The following KCNC2 variants were observed in gnomAD, a reference collection of about 807,000 sequenced individuals.
KCNC2 encodes the protein voltage-gated potassium channel KCNC2.
KCNC2 carries 21 observed loss-of-function variants against 44.5 expected under a neutral mutation model. The ratio of observed to expected loss-of-function variants is 0.47; its 90% CI spans 0.33 to 0.68. KCNC2 has a LOEUF of 0.68. Ranked by LOEUF, KCNC2 falls within the 30% of genes least tolerant of loss-of-function variation. The pLI is 0.01. For synonymous variants in KCNC2, 391 were observed against 339.1 expected (o/e 1.15, Z -1.68); for missense variants, 589 against 826.2 (o/e 0.71, Z 3.52).
At chr12:75,176,134 T>C (rs1446620820) in intron 2 of KCNC2, among the ~76,000 whole-genome samples, 1 of 152,038 alleles carries the variant, frequency 6.6e-6, no homozygotes, top group Non-Finnish European at 1.5e-5. Context: ...TCAGGAAGTG[T>C]AACTTAACTG....
At chr12:75,133,554 C>G (rs764450544) in intron 2 of KCNC2, among the ~76,000 whole-genome samples, 2 of 151,726 alleles carry the variant, frequency 1.3e-5, no homozygotes, top group Non-Finnish European at 2.9e-5. Context: ...CCAATTAAGT[C>G]AAATATCTTA....
chr12:75,161,381 A>C (rs1891116402), intron 2 of KCNC2, among the ~76,000 whole-genome samples: 1 of 151,766 alleles, frequency 6.6e-6, no homozygotes, highest in Non-Finnish European at 1.5e-5. Flanking sequence ...TTCAAGTTGC[A>C]GTCCAAAAGC....
chr12:75,050,900 T>G lies in KCNC2; in HGVS notation c.1105A>C (p.Arg369=), dbSNP rs1458955892. ...FKLTRHFVGL[R]VLGHTLRAST... ...GCTCGAAGAGTATGTCCAAGCACCC[T>G]CAGACCTACAAAATGGCGGGTGAGC... is the stretch of plus-strand genomic sequence containing the variant. Residue 369 remains arginine, a synonymous_variant, in exon 3 of 5, where the codon AGG becomes CGG. Transcript: ENST00000549446. 2.5e-6 allele frequency: 4 copies of G among 1,613,540 alleles called. No individual in the cohort carries two copies. The highest frequency in any genetic ancestry group is 2.2e-5 in the South Asian group (2 of 91,072).
At chr12:75,131,886 AC>A (rs1204192329) in intron 2 of KCNC2, among the ~76,000 whole-genome samples, 1 of 152,186 alleles carries the variant, frequency 6.6e-6, no homozygotes, top group African/African-American at 2.4e-5. Flanking sequence ...AGGAAGGAAT[AC>A]CGTTGAGCCA....
chr12:75,145,316 T>A (rs1395241201), intron 2 of KCNC2, among the ~76,000 whole-genome samples: 1 of 152,130 alleles, frequency 6.6e-6, no homozygotes, highest in Non-Finnish European at 1.5e-5. Flanking sequence ...TTTTAAACAA[T>A]CCCAAGTTTA....
intron 2 of KCNC2, among the ~76,000 whole-genome samples, chr12:75,063,995 G>A (rs1882585453): frequency 6.6e-6 from 1 of 151,978 alleles, no homozygotes; most frequent in Admixed American, 6.6e-5. Context: ...AAAAAATCAG[G>A]TAATTTTCCC....
At chr12:75,056,671 T>C (rs1310580887) in intron 2 of KCNC2, among the ~76,000 whole-genome samples, 2 of 151,816 alleles carry the variant, frequency 1.3e-5, no homozygotes, top group East Asian at 3.9e-4. Flanking sequence ...TGTAAAAAAA[T>C]TTACATTAAA....
chr12:75,083,478 A>C (rs1323295702), intron 2 of KCNC2, among the ~76,000 whole-genome samples: 1 of 151,974 alleles, frequency 6.6e-6, no homozygotes, highest in Non-Finnish European at 1.5e-5. Flanking sequence ...AGAATAACAC[A>C]TTAGAAAACA....
intron 2 of KCNC2, among the ~76,000 whole-genome samples, chr12:75,192,075 A>G (rs967424276): frequency 6.6e-6 from 1 of 152,232 alleles, no homozygotes; most frequent in Non-Finnish European, 1.5e-5. Flanking sequence ...TACATGTAAT[A>G]GTCTTTACAG....
intron 2 of KCNC2, among the ~76,000 whole-genome samples, chr12:75,159,553 C>T (rs1367414365): frequency 6.6e-6 from 1 of 151,706 alleles, no homozygotes. Context: ...AGGCTCAGTC[C>T]CACCTTTTAC....
At chr12:75,170,918 A>T (rs1008262899) in intron 2 of KCNC2, among the ~76,000 whole-genome samples, 2 of 151,698 alleles carry the variant, frequency 1.3e-5, no homozygotes, top group Non-Finnish European at 2.9e-5. Context: ...TACTCTTCCA[A>T]GCTTATTCAG....
chr12:75,106,549 T>G (rs1463210146), intron 2 of KCNC2, among the ~76,000 whole-genome samples: 1 of 152,120 alleles, frequency 6.6e-6, no homozygotes, highest in African/African-American at 2.4e-5. Flanking sequence ...GAGGAAAAGT[T>G]CATTCATAGA....
intron 2 of KCNC2, among the ~76,000 whole-genome samples, chr12:75,205,754 A>T (rs1285573166): frequency 6.6e-6 from 1 of 152,126 alleles, no homozygotes; most frequent in Non-Finnish European, 1.5e-5. Context: ...GAATCCAAAA[A>T]ACACAGATGC....
At chr12:75,146,687 C>T (rs145547963) in intron 2 of KCNC2, among the ~76,000 whole-genome samples, 14 of 152,276 alleles carry the variant, frequency 9.2e-5, no homozygotes, top group Middle Eastern at 3.4e-3. Context: ...ATATGTGCCT[C>T]CTCAACTTCA....
intron 3 of KCNC2, 68 bp downstream of exon 3, chr12:75,050,322 G>A (rs1881028147): frequency 9.0e-7 from 1 of 1,111,650 alleles, no homozygotes; most frequent in Non-Finnish European, 1.3e-6. Context: ...GAGAATGACT[G>A]CCTTCTGCCT....
At chr12:75,110,094 A>G (rs1202234463) in intron 2 of KCNC2, among the ~76,000 whole-genome samples, 2 of 152,116 alleles carry the variant, frequency 1.3e-5, no homozygotes, top group Non-Finnish European at 2.9e-5. Context: ...ATGAAGGAAA[A>G]GGAACAGATG....
At chr12:75,097,295 A>G (rs1886017263) in intron 2 of KCNC2, among the ~76,000 whole-genome samples, 1 of 152,116 alleles carries the variant, frequency 6.6e-6, no homozygotes, top group Non-Finnish European at 1.5e-5. Context: ...TTACAGCATT[A>G]AAATTATTCT....
chr12:75,173,457 A>G (rs1009823914), intron 2 of KCNC2, among the ~76,000 whole-genome samples: 2 of 151,730 alleles, frequency 1.3e-5, no homozygotes, highest in African/African-American at 2.4e-5. Context: ...ACTTTCCACT[A>G]CTCCATAGTT....
intron 2 of KCNC2, among the ~76,000 whole-genome samples, chr12:75,127,571 A>C (rs1483310579): frequency 6.6e-6 from 1 of 152,190 alleles, no homozygotes; most frequent in Non-Finnish European, 1.5e-5. Flanking sequence ...AAATAAAGGC[A>C]TTGACCTTAG....
Sources: allele counts gnomAD v4.1 joint callset (sites outside exome capture counted in the v4.1 genomes callset), GRCh38; gene constraint gnomAD v4.1.1; transcripts MANE v1.5; gene names NCBI Gene and HGNC (gene_info 2026-07-23, HGNC 2026-07-21).